PIK3C2B: variants seen among roughly 807,000 people sequenced by gnomAD.
PIK3C2B encodes phosphatidylinositol-4-phosphate 3-kinase catalytic subunit type 2 beta.
Under a neutral mutation model 184.3 loss-of-function variants are expected in PIK3C2B, and 83 were observed. The observed-to-expected ratio is 0.45, with a 90% CI of 0.38 to 0.54. The LOEUF is 0.54. Ranked by LOEUF, PIK3C2B falls within the 20% of genes least tolerant of loss-of-function variation. The probability of loss-of-function intolerance (pLI) is 0.00; values close to 1 mark genes in which losing one functional copy is unlikely to be tolerated. For synonymous variants in PIK3C2B, 779 were observed against 837.6 expected, an observed-to-expected ratio of 0.93 and a Z score of 1.21; for missense variants, 1,736 against 2,113.5, an observed-to-expected ratio of 0.82 and a Z score of 3.50.
rs757456626 is a variant in PIK3C2B, at chr1:204,455,955, C to T, written c.1844G>A (p.Ser615Asn). ...NADFQTAVPG[S>N]RKHDLVQEAC... Reference sequence around the variant, plus strand: ...CTCCTGGACCAGGTCATGCTTGCGGCTCCCGGGCACTGCCGTCTGGAAGTC... The same window carrying T: ...CTCCTGGACCAGGTCATGCTTGCGGTTCCCGGGCACTGCCGTCTGGAAGTC... Residue 615 changes from serine to asparagine, a missense_variant, in exon 11 of 33, where the codon AGC becomes AAC. Ser to Asn is a conservative substitution (Grantham distance 46). Coordinates refer to ENST00000684373, the MANE Select transcript of PIK3C2B (RefSeq NM_001377334.1). 3 of 1,614,214 alleles carry T rather than the reference C, an allele frequency of 1.9e-6. No homozygotes were observed. The highest frequency in any genetic ancestry group is 2.5e-6 in the Non-Finnish European group (3 of 1,180,016).
chr1:204,447,707 GC>G lies in PIK3C2B; in HGVS notation c.2347-130del. ...TTTCCCTCAGGTTCTTTGTAAAATA[GC>G]CCTGTTAGACTTGGTGATCTCTAAA... On this transcript the variant is annotated intron_variant, in intron 14 of 32. Coordinates refer to ENST00000684373, the MANE Select transcript of PIK3C2B (RefSeq NM_001377334.1). The surrounding 1 kb of genome is among the most constrained non-coding windows in gnomAD (Gnocchi z 4.1). 1 of 645,824 alleles carries G rather than the reference GC, an allele frequency of 1.5e-6. No individual in the cohort carries two copies. Among genetic ancestry groups the G allele is most frequent in the Non-Finnish European group, 2.7e-6 (1 of 369,706 alleles). The allele number at this position is 645,824 out of a possible 1,614,324, so 40.0% of individuals were successfully genotyped here.
In PIK3C2B at chr1:204,445,988, G is replaced by T; in HGVS notation, c.2646C>A (p.Asn882Lys). ...YVLLKQWTHM[N>K]HQDALGLLHA... ...GCAGGAGCCCCAGGGCATCCTGGTG[G>T]TTCATGTGGGTCCACTGCTTCAGGA... The change falls in exon 16 of 33, where the codon AAC (asparagine) becomes AAA (lysine). Residue 882 changes from asparagine to lysine, a missense_variant. Physicochemically the swap from Asn to Lys is moderately conservative, Grantham distance 94. Coordinates refer to ENST00000684373, the MANE Select transcript of PIK3C2B (RefSeq NM_001377334.1). 6.4e-7 allele frequency: 1 copy of T among 1,569,746 alleles called. No homozygotes were observed. The highest frequency in any genetic ancestry group is 8.7e-7 in the Non-Finnish European group (1 of 1,152,458).
In PIK3C2B at chr1:204,469,127, C is replaced by T. The variant is rs746758067; in HGVS notation, c.676G>A (p.Val226Met). Residue 226 changes from valine (V) to methionine (M), a missense_variant, in exon 2 of 33, where the codon GTG becomes ATG. By Grantham distance (21) the Val-to-Met change is conservative. Around this residue, in one of 8 missense-constraint regions of PIK3C2B, gnomAD observed 404 missense variants for 418.0 expected, o/e 0.97. Coordinates refer to ENST00000684373, the MANE Select transcript of PIK3C2B (RefSeq NM_001377334.1). ...GCATCATTGATACCATCATAGTCCACAGACCCCAGTAGGCGCCCCTGACCC... is the reference window on the plus strand; with the variant it reads ...GCATCATTGATACCATCATAGTCCATAGACCCCAGTAGGCGCCCCTGACCC... ...GGGQGRLLGS[V>M]DYDGINDAIT... 3 of 1,614,216 alleles carry T rather than the reference C, an allele frequency of 1.9e-6. No individual in the cohort carries two copies. The South Asian group carries it at 3.3e-5, about 18-fold the overall frequency.
chr1:204,459,714 A>T (rs192993958), intron 8 of PIK3C2B, among the ~76,000 whole-genome samples, 164 bp downstream of exon 8: 2 of 152,262 alleles, frequency 1.3e-5, no homozygotes, highest in African/African-American at 4.8e-5. Flanking sequence ...AACATCTAGT[A>T]GTCTTAGTTT....
At chr1:204,428,568 T>G (rs533891423) in intron 29 of PIK3C2B, among the ~76,000 whole-genome samples, 10 of 152,274 alleles carry the variant, frequency 6.6e-5, no homozygotes, top group Non-Finnish European at 1.2e-4. Flanking sequence ...CTCTGACACC[T>G]AGGCTGGAGT....
At position 204,482,732 on chromosome 1, in the gene PIK3C2B, C is replaced by T. The variant is rs531501456; in HGVS notation, c.-85+11624G>A. 2.0e-5 allele frequency among the ~76,000 whole-genome samples: 3 copies of T among 151,674 alleles called. No individual in the cohort carries two copies. In the South Asian group the frequency reaches 6.3e-4, roughly 32 times the overall value. ...CCAGGAAGCAGAGGCTGCAGTGAGC[C>T]GAGATCGCGCCACTGCACTGCACTC... On this transcript the variant is annotated intron_variant, in intron 1 of 32. Transcript: ENST00000684373.
chr1:204,461,843 TGA>T (rs1447491434), intron 5 of PIK3C2B, among the ~76,000 whole-genome samples: 1 of 152,006 alleles, frequency 6.6e-6, no homozygotes, highest in Non-Finnish European at 1.5e-5. Context: ...GGTTCTTATC[TGA>T]GAGCAGCCTG....
chr1:204,484,464 C>T (rs114970346), intron 1 of PIK3C2B, among the ~76,000 whole-genome samples: 3,620 of 152,198 alleles, frequency 0.024, 120 homozygotes, highest in African/African-American at 0.081. Flanking sequence ...GATGGCCGGG[C>T]GCGGTGGCTC....
chr1:204,477,162 A>G (rs1379870749), intron 1 of PIK3C2B, among the ~76,000 whole-genome samples: 1 of 152,064 alleles, frequency 6.6e-6, no homozygotes, highest in Non-Finnish European at 1.5e-5. Flanking sequence ...TCTAATGCAC[A>G]CTCCACATTT....
chr1:204,450,003 A>T lies in PIK3C2B; in HGVS notation c.2081T>A (p.Val694Glu). ...CTCCCGAGGCAGCCGGTTCACCTGC[A>T]CTGGGAAGCAGATCCTATGGAGGAC... ...IVWDQQICFP[V>E]QVNRLPRETL... Residue 694 changes from valine (V) to glutamate (E), a missense_variant, in exon 13 of 33, where the codon GTG (valine) becomes GAG (glutamate). Coordinates refer to ENST00000684373, the MANE Select transcript of PIK3C2B (RefSeq NM_001377334.1). 1 of 1,572,464 alleles carries T rather than the reference A, an allele frequency of 6.4e-7. No individual in the cohort carries two copies. Among genetic ancestry groups the T allele is most frequent in the Non-Finnish European group, 8.6e-7 (1 of 1,158,130 alleles).
At chr1:204,468,634 G>A (rs980401438) in intron 2 of PIK3C2B, among the ~76,000 whole-genome samples, 11 of 152,276 alleles carry the variant, frequency 7.2e-5, no homozygotes, top group East Asian at 3.9e-4. Flanking sequence ...CAGAAGGCCC[G>A]TTTTGGCCAA....
chr1:204,427,910 G>T (rs1674833509), intron 30 of PIK3C2B, among the ~76,000 whole-genome samples, 156 bp from the exon 31 acceptor site: 2 of 152,194 alleles, frequency 1.3e-5, no homozygotes, highest in Admixed American at 6.5e-5. Context: ...AGTTAATTGG[G>T]TTGGGATGGG....
Position 204,432,337 on chromosome 1 carries a change from G to A in PIK3C2B, c.4018C>T (p.Gln1340Ter). 1 of 1,614,144 alleles carries A rather than the reference G, an allele frequency of 6.2e-7. No individual in the cohort carries two copies. The highest frequency in any genetic ancestry group is 8.5e-7 in the Non-Finnish European group (1 of 1,180,022). The change falls in exon 27 of 33, where the codon CAG becomes TAG. Residue 1340 changes from glutamine to a stop codon, truncating the protein, a stop_gained. Transcript: ENST00000684373. LOFTEE classifies it high-confidence loss of function. Reference sequence around the variant, plus strand: ...TCATCTGAGCCCGTGAACTTCATCTGAGCCAGATTATGGATGAAAAAATTG... The same window carrying A: ...TCATCTGAGCCCGTGAACTTCATCTAAGCCAGATTATGGATGAAAAAATTG... ...KLNFFIHNLA[Q>*]MKFTGSDDRL...
At position 204,468,984 on chromosome 1, in the gene PIK3C2B, G is replaced by T; in HGVS notation, c.819C>A (p.Pro273=). Reference sequence around the variant, plus strand: ...GGGGCATAGTCTTGCTCCTGGCCACGGGTTTTCCAGAGGTGTCTTTGCTGA... The same window carrying T: ...GGGGCATAGTCTTGCTCCTGGCCACTGGTTTTCCAGAGGTGTCTTTGCTGA... ...LDFSKDTSGK[P]VARSKTMPPQ... The change falls in exon 2 of 33, where the codon CCC becomes CCA. Residue 273 remains proline (P), a synonymous_variant. Transcript: ENST00000684373. The T allele has an allele frequency of 6.2e-7, 1 of 1,614,206 alleles. No individual in the cohort carries two copies. Among genetic ancestry groups the T allele is most frequent in the Non-Finnish European group, 8.5e-7 (1 of 1,180,032 alleles).
intron 2 of PIK3C2B, chr1:204,466,968 C>T (rs1655854954): frequency 1.9e-6 from 1 of 524,774 alleles, no homozygotes; most frequent in Admixed American, 2.0e-5. Flanking sequence ...GGCCGAGGGC[C>T]CAAGGGGTCC....
chr1:204,442,672 A>T, intron 19 of PIK3C2B, 39 bp from the exon 20 acceptor site: 1 of 1,383,974 alleles, frequency 7.2e-7, no homozygotes, highest in Non-Finnish European at 1.0e-6. Context: ...GGTGAAATGG[A>T]GGGTCCATAC....
At chr1:204,473,489 T>G (rs777451372) in intron 1 of PIK3C2B, among the ~76,000 whole-genome samples, 13 of 152,232 alleles carry the variant, frequency 8.5e-5, no homozygotes, top group Non-Finnish European at 1.5e-4. Flanking sequence ...TGCCTGGAGC[T>G]GGGAGACTAG....
rs545904416 is a variant in PIK3C2B at position 204,467,833 on chromosome 1, CAAAAAA to C, written c.933+1031_933+1036del. ...CTGGTGACAGAGTGAGACTCTGTCT[CAAAAAA>C]AAAAAAAAAAAGAAGGCATCAGCCA... On this transcript the variant is annotated intron_variant, in intron 2 of 32. Transcript: ENST00000684373. 1.6e-4 allele frequency among the ~76,000 whole-genome samples: 14 copies of C among 88,578 alleles called. 1 individual carries two copies. The highest frequency in any genetic ancestry group is 5.3e-4 in the African/African-American group (13 of 24,324). 58.1% of individuals were successfully genotyped at this position (88,578 alleles called of 152,430 possible).
chr1:204,454,842 C>G (rs745774334), intron 11 of PIK3C2B, 51 bp from the exon 12 acceptor site: 9 of 1,580,638 alleles, frequency 5.7e-6, no homozygotes, highest in Non-Finnish European at 6.8e-6. Context: ...AAACCAATCA[C>G]CCAAACCTAT....
Sources: gnomAD v4.1 joint callset for allele counts (sites outside exome capture counted in the v4.1 genomes callset) on GRCh38, gnomAD v4.1.1 for gene constraint, gnomAD v4.1.1 regional missense constraint, Gnocchi (gnomAD v3.1) non-coding constraint, MANE v1.5 for transcripts, NCBI Gene and HGNC (gene_info 2026-07-23, HGNC 2026-07-21) for gene names.